TTC28: variants seen among roughly 807,000 people sequenced by gnomAD.
TTC28 encodes the protein tetratricopeptide repeat protein 28.
TTC28 carries 61 observed loss-of-function variants against 198.0 expected under a neutral mutation model. The ratio of observed to expected loss-of-function variants is 0.31; its 90% CI spans 0.25 to 0.38. The LOEUF is 0.38. Ranked by LOEUF, TTC28 falls within the 10% of genes least tolerant of loss-of-function variation. The probability of loss-of-function intolerance (pLI) is 1.00; values close to 1 mark genes in which losing one functional copy is unlikely to be tolerated. For missense variants in TTC28, 2,678 were observed against 3,164.0 expected, an observed-to-expected ratio of 0.85 and a Z score of 3.69; for synonymous variants, 1,171 against 1,297.8, an observed-to-expected ratio of 0.90 and a Z score of 2.10.
chr22:28,326,917 C>T (rs1015008235), intron 2 of TTC28, among the ~76,000 whole-genome samples: 11 of 149,788 alleles, frequency 7.3e-5, no homozygotes, highest in Non-Finnish European at 1.0e-4. Context: ...ATACTAAAGG[C>T]GTTTTTAAAA....
At chr22:28,296,093 A>T (rs2044888962) in intron 5 of TTC28, 105 bp downstream of exon 5, 3 of 1,218,762 alleles carry the variant, frequency 2.5e-6, no homozygotes, top group Admixed American at 5.7e-5. Context: ...TTCTTCTGAA[A>T]GTAATATTTT....
chr22:28,148,506 G>A (rs751309855), intron 6 of TTC28, among the ~76,000 whole-genome samples: 1 of 151,896 alleles, frequency 6.6e-6, no homozygotes, highest in African/African-American at 2.4e-5. Flanking sequence ...CCACCTACTC[G>A]GGAGGCTGAG....
intron 6 of TTC28, among the ~76,000 whole-genome samples, chr22:28,157,803 G>T (rs1943782742): frequency 6.6e-6 from 1 of 152,132 alleles, no homozygotes; most frequent in Non-Finnish European, 1.5e-5. Context: ...CCCACAGCTA[G>T]TATCATACTT....
At position 27,996,120 on chromosome 22, in the gene TTC28, G is replaced by A. The variant is rs1443074654; in HGVS notation, c.5244+15C>T. On this transcript the variant is annotated intron_variant, in intron 17 of 22. Coordinates refer to ENST00000397906, the MANE Select transcript of TTC28 (RefSeq NM_001145418.2). The stretch of plus-strand genomic sequence containing the variant: ...TGCCAGCTCTCGTTGAGTGCAGGGT[G>A]CCCGACCCCCTTACCAGGTGCAGCA... The A allele has an allele frequency of 6.5e-7, 1 of 1,545,026 alleles. No homozygotes were observed. Among genetic ancestry groups the A allele is most frequent in the Non-Finnish European group, 8.7e-7 (1 of 1,146,152 alleles).
chr22:28,423,371 CAG>C (rs2047292537), intron 2 of TTC28, among the ~76,000 whole-genome samples: 1 of 152,044 alleles, frequency 6.6e-6, no homozygotes, highest in South Asian at 2.1e-4. Context: ...GCCTGGGCGA[CAG>C]AGCGAGACTC....
chr22:28,536,734 CTA>C (rs2049289096), intron 2 of TTC28, among the ~76,000 whole-genome samples: 1 of 152,184 alleles, frequency 6.6e-6, no homozygotes, highest in Non-Finnish European at 1.5e-5. Flanking sequence ...ATTCTCTGAT[CTA>C]TGACTTATTG....
intron 2 of TTC28, among the ~76,000 whole-genome samples, chr22:28,505,345 C>G (rs1023014432): frequency 6.6e-6 from 1 of 152,036 alleles, no homozygotes; most frequent in Non-Finnish European, 1.5e-5. Flanking sequence ...TGCGGCACTC[C>G]GAAAGGAATG....
At chr22:28,052,978 G>T (rs1940143304) in intron 12 of TTC28, among the ~76,000 whole-genome samples, 1 of 152,236 alleles carries the variant, frequency 6.6e-6, no homozygotes. Context: ...GTGTGCAGCA[G>T]ACCCCCAGAG....
At chr22:27,984,600 G>A (rs138638) in intron 22 of TTC28, among the ~76,000 whole-genome samples, 90,177 of 151,920 alleles carry the variant, frequency 0.59, 28,019 homozygotes, top group African/African-American at 0.78. Context: ...CCAAACTCAC[G>A]TACCAGCTGC....
chr22:28,089,650 A>T (rs1000432863), intron 12 of TTC28, among the ~76,000 whole-genome samples: 4 of 151,042 alleles, frequency 2.6e-5, no homozygotes, highest in African/African-American at 9.7e-5. Context: ...TATACCCTAA[A>T]ACTTAAAGTA....
At chr22:28,297,532 G>T in intron 4 of TTC28, 48 bp downstream of exon 4, 1 of 1,526,310 alleles carries the variant, frequency 6.6e-7, no homozygotes. Context: ...ATGTTACTCA[G>T]CTTTCTTTGT....
chr22:28,579,899 G>T (rs756007142), intron 2 of TTC28, among the ~76,000 whole-genome samples: 1 of 152,058 alleles, frequency 6.6e-6, no homozygotes, highest in Non-Finnish European at 1.5e-5. Flanking sequence ...GAACCCCGGA[G>T]ACAGAAGTTG....
chr22:28,020,058 G>C (rs145756679), intron 13 of TTC28, among the ~76,000 whole-genome samples: 1 of 152,254 alleles, frequency 6.6e-6, no homozygotes, highest in African/African-American at 2.4e-5. Context: ...CCACCAGGCT[G>C]GTAGGGCATC....
chr22:28,335,205 T>C (rs902968058), intron 2 of TTC28, among the ~76,000 whole-genome samples: 10 of 152,160 alleles, frequency 6.6e-5, no homozygotes, highest in African/African-American at 2.4e-4. Context: ...TTCTGTTCCA[T>C]TGGTCTATAT....
intron 2 of TTC28, among the ~76,000 whole-genome samples, chr22:28,542,012 C>T (rs529792047): frequency 9.2e-5 from 14 of 152,106 alleles, no homozygotes; most frequent in Admixed American, 2.6e-4. Flanking sequence ...TCACTTGAGC[C>T]CTGGAGTTAG....
chr22:28,099,178 G>T, intron 9 of TTC28, 134 bp from the exon 10 acceptor site: 3 of 1,253,270 alleles, frequency 2.4e-6, no homozygotes, highest in African/African-American at 1.5e-5. Context: ...GGAAGAGTCT[G>T]ATGTCCAGGT....
chr22:28,511,043 G>T (rs2048681047), intron 2 of TTC28, among the ~76,000 whole-genome samples: 1 of 152,130 alleles, frequency 6.6e-6, no homozygotes, highest in Non-Finnish European at 1.5e-5. Context: ...CATGCTCATG[G>T]ATAGGAATAA....
chr22:28,192,964 A>G (rs945678053), intron 5 of TTC28, among the ~76,000 whole-genome samples: 1 of 152,224 alleles, frequency 6.6e-6, no homozygotes, highest in African/African-American at 2.4e-5. Context: ...CGCCTTGACA[A>G]GAGCAACTCC....
At position 28,509,943 on chromosome 22, in the gene TTC28, T is replaced by G. The variant is rs11912434; in HGVS notation, c.381+119609A>C. Reference sequence around the variant, plus strand: ...AAATCTATTAGAAGAAATGGATAAATTCCTGGACACATGCACTCTCCAAAA... The same window carrying G: ...AAATCTATTAGAAGAAATGGATAAAGTCCTGGACACATGCACTCTCCAAAA... On this transcript the variant is annotated intron_variant, in intron 2 of 22. Coordinates refer to ENST00000397906, the MANE Select transcript of TTC28 (RefSeq NM_001145418.2). Among the ~76,000 whole-genome samples the G allele has an allele frequency of 1.3e-3, 192 of 152,254 alleles. 2 individuals carry two copies. The highest frequency in any genetic ancestry group is 4.2e-3 in the African/African-American group (176 of 41,570).
Sources: allele counts gnomAD v4.1 joint callset (sites outside exome capture counted in the v4.1 genomes callset), GRCh38; gene constraint gnomAD v4.1.1; transcripts MANE v1.5; gene names NCBI Gene and HGNC (gene_info 2026-07-23, HGNC 2026-07-21).